Variants in LAMA1 observed in about 807,000 individuals in gnomAD.
The protein encoded by LAMA1 is laminin subunit alpha-1.
A neutral mutation model predicts 348.7 loss-of-function variants in LAMA1; 219 were observed. The ratio of observed to expected loss-of-function variants is 0.63; its 90% CI spans 0.56 to 0.70. LAMA1 has a LOEUF of 0.70. Among genes scored for constraint, LAMA1 ranks in the 30% least tolerant of loss-of-function variants. LAMA1 has a pLI of 0.00. For synonymous variants in LAMA1, 1,487 were observed against 1,491.0 expected (o/e 1.00, Z 0.06); for missense variants, 3,744 against 3,888.0 (o/e 0.96, Z 0.99).
Position 6,980,608 on chromosome 18 carries a change from T to G in LAMA1, c.5920A>C (p.Asn1974His). Residue 1974 changes from asparagine to histidine, a missense_variant, in exon 42 of 63, where the codon AAT becomes CAT. Asn to His is a moderately conservative substitution (Grantham distance 68). Transcript: ENST00000389658. Reference sequence around the variant, plus strand: ...TTCTCTTGAAATCTGTTTGTCTTATTTCTCAATTCACTCAGTTCCAATGCA... The same window carrying G: ...TTCTCTTGAAATCTGTTTGTCTTATGTCTCAATTCACTCAGTTCCAATGCA... The part of the protein sequence containing the change: ...GIALELSELR[N>H]KTNRFQENAV... The G allele has an allele frequency of 6.2e-7, 1 of 1,612,592 alleles. No individual in the cohort carries two copies. Among genetic ancestry groups the G allele is most frequent in the Non-Finnish European group, 8.5e-7 (1 of 1,178,760 alleles).
intron 61 of LAMA1, among the ~76,000 whole-genome samples, chr18:6,944,193 T>C (rs1033931303): frequency 9.9e-5 from 15 of 152,148 alleles, no homozygotes; most frequent in African/African-American, 3.4e-4. Context: ...TTTTTGTATT[T>C]TTAGTAGAGA....
At chr18:6,971,666 T>C (rs1026973076) in intron 48 of LAMA1, among the ~76,000 whole-genome samples, 191 bp downstream of exon 48, 2 of 152,140 alleles carry the variant, frequency 1.3e-5, no homozygotes, top group African/African-American at 4.8e-5. Context: ...ATCTACATTA[T>C]ACCAATGTCA....
chr18:6,977,581 G>T, intron 44 of LAMA1, 146 bp downstream of exon 44: 1 of 816,552 alleles, frequency 1.2e-6, no homozygotes, highest in Non-Finnish European at 1.9e-6. Context: ...CCAAGACAGG[G>T]CTATGAGGAA....
intron 23 of LAMA1, 90 bp from the exon 24 acceptor site, chr18:7,012,228 T>C: frequency 2.2e-6 from 3 of 1,368,518 alleles, no homozygotes; most frequent in Non-Finnish European, 3.1e-6. Flanking sequence ...ACAAACATAA[T>C]TTTAAACATA....
chr18:7,059,861 T>C (rs1239626148), intron 3 of LAMA1, among the ~76,000 whole-genome samples: 1 of 152,242 alleles, frequency 6.6e-6, no homozygotes, highest in African/African-American at 2.4e-5. Context: ...GTTAAGTGCA[T>C]TTGATAAATA....
chr18:7,028,845 G>A (rs1023369104), intron 16 of LAMA1, among the ~76,000 whole-genome samples: 1 of 152,230 alleles, frequency 6.6e-6, no homozygotes, highest in Non-Finnish European at 1.5e-5. Context: ...GGCAGCTACG[G>A]GCTCGAAGGG....
At chr18:7,107,292 G>A (rs1336803442) in intron 1 of LAMA1, among the ~76,000 whole-genome samples, 1 of 151,918 alleles carries the variant, frequency 6.6e-6, no homozygotes, top group African/African-American at 2.4e-5. Flanking sequence ...CTAATTTTTT[G>A]TATTTTTAGT....
At chr18:7,087,926 T>G (rs1045716111) in intron 1 of LAMA1, among the ~76,000 whole-genome samples, 1 of 152,224 alleles carries the variant, frequency 6.6e-6, no homozygotes, top group Non-Finnish European at 1.5e-5. Context: ...AACAAATAGC[T>G]GCTCTTATTA....
chr18:7,096,025 G>A (rs925633346), intron 1 of LAMA1, among the ~76,000 whole-genome samples: 4 of 152,216 alleles, frequency 2.6e-5, no homozygotes, highest in African/African-American at 9.6e-5. Context: ...CCGAGATCGC[G>A]CCATTGCGCT....
chr18:6,961,470 C>A, intron 53 of LAMA1, 116 bp downstream of exon 53: 1 of 1,226,700 alleles, frequency 8.2e-7, no homozygotes, highest in South Asian at 1.3e-5. Flanking sequence ...AAATGCACAT[C>A]CATAAACAAC....
intron 3 of LAMA1, among the ~76,000 whole-genome samples, chr18:7,056,515 G>C (rs2058082814): frequency 6.6e-6 from 1 of 152,162 alleles, no homozygotes; most frequent in Admixed American, 6.6e-5. Flanking sequence ...CTGATGAAGA[G>C]AGAGGTCAAG....
intron 45 of LAMA1, among the ~76,000 whole-genome samples, 183 bp downstream of exon 45, chr18:6,975,754 C>G (rs967994214): frequency 6.6e-6 from 1 of 152,326 alleles, no homozygotes; most frequent in African/African-American, 2.4e-5. Flanking sequence ...TTCTCACAGG[C>G]ATTCCATTTG....
chr18:7,095,582 T>G (rs1223270474), intron 1 of LAMA1, among the ~76,000 whole-genome samples: 1 of 152,190 alleles, frequency 6.6e-6, no homozygotes, highest in African/African-American at 2.4e-5. Flanking sequence ...GAGTGCCAGC[T>G]CTCTTTCAGC....
At position 7,037,596 on chromosome 18, in the gene LAMA1, C is replaced by T. The variant is rs2144174274; in HGVS notation, c.1719G>A (p.Glu573=). The T allele has an allele frequency of 6.2e-7, 1 of 1,614,030 alleles. No individual in the cohort carries two copies. Among genetic ancestry groups the T allele is most frequent in the East Asian group, 2.2e-5 (1 of 44,856 alleles). ...LAPKYYWAAP[E]AYLGNKLTAF... ...CACGCACCTTATTTCCAAGGTAGGC[C>T]TCGGGGGCTGCCCAGTAGTACTTGG... Residue 573 remains glutamate, a synonymous_variant, in exon 12 of 63, where the codon GAG becomes GAA. Coordinates refer to ENST00000389658, the MANE Select transcript of LAMA1 (RefSeq NM_005559.4).
In LAMA1 at chr18:6,986,214, C is replaced by T. The variant is rs73938527; in HGVS notation, c.5302G>A (p.Val1768Met). 875 of 1,614,216 alleles carry T rather than the reference C, an allele frequency of 5.4e-4. 6 individuals carry two copies. In the African/African-American group the frequency reaches 0.01, roughly 19 times the overall value. Residue 1768 changes from valine to methionine, a missense_variant, in exon 37 of 63, where the codon GTG (valine) becomes ATG (methionine). This residue lies in a region of LAMA1 where 1,983 missense variants were observed against 1,934.3 expected (regional missense o/e 1.03). Transcript: ENST00000389658. ...TGCATCTTTGCCTCAGCTTCCCTCA[C>T]GAGCGCCTCAGCCGCCTTTAGTTCA... is the stretch of plus-strand genomic sequence containing the variant. The part of the protein sequence containing the change: ...NNELKAAEAL[V>M]REAEAKMQES...
intron 17 of LAMA1, among the ~76,000 whole-genome samples, chr18:7,025,128 A>G (rs1351210920): frequency 6.6e-6 from 1 of 152,160 alleles, no homozygotes; most frequent in African/African-American, 2.4e-5. Context: ...AACCAGCGAG[A>G]GACAGAGGCT....
intron 1 of LAMA1, among the ~76,000 whole-genome samples, chr18:7,110,876 G>GT (rs57946763): frequency 1.5e-4 from 16 of 105,020 alleles, no homozygotes; most frequent in Non-Finnish European, 1.9e-4. Context: ...TGGTGTGAGG[G>GT]TTTTTTTTCC....
chr18:6,996,640 A>G lies in LAMA1; in HGVS notation c.4806+1102T>C, dbSNP rs540138332. ...ATAAAAATAAAAGAACTAGCCAGGC[A>G]TGGTGGTGTGTGCCTGTAGTCTCAG... is the stretch of plus-strand genomic sequence containing the variant. On this transcript the variant is annotated intron_variant, in intron 33 of 62. Coordinates refer to ENST00000389658, the MANE Select transcript of LAMA1 (RefSeq NM_005559.4). 3.8e-3 allele frequency among the ~76,000 whole-genome samples: 579 copies of G among 152,132 alleles called. 4 individuals carry two copies. Among genetic ancestry groups the G allele is most frequent in the African/African-American group, 0.013 (543 of 41,508 alleles).
At chr18:7,069,670 G>A (rs2058138011) in intron 3 of LAMA1, among the ~76,000 whole-genome samples, 1 of 152,172 alleles carries the variant, frequency 6.6e-6, no homozygotes, top group Non-Finnish European at 1.5e-5. Context: ...TCGCCATGCT[G>A]TGAGGAAGCT....
Sources: gnomAD v4.1 joint callset for allele counts (sites outside exome capture counted in the v4.1 genomes callset) on GRCh38, gnomAD v4.1.1 for gene constraint, gnomAD v4.1.1 regional missense constraint, MANE v1.5 for transcripts, NCBI Gene and HGNC (gene_info 2026-07-23, HGNC 2026-07-21) for gene names.